Variants in LRRC42 observed in about 807,000 individuals in gnomAD.
LRRC42 encodes leucine rich repeat containing 42, also known as leucine-rich repeat-containing protein 42.
Under a neutral mutation model 44.3 loss-of-function variants are expected in LRRC42, and 43 were observed. The ratio of observed to expected loss-of-function variants is 0.97; its 90% confidence interval spans 0.76 to 1.25. LRRC42 has a LOEUF of 1.25. Among genes scored for constraint, LRRC42 ranks in the 50% most tolerant of loss-of-function variants. The pLI, the probability that LRRC42 is intolerant of heterozygous loss-of-function variation, is 0.00. For synonymous variants in LRRC42, 207 were observed against 195.2 expected (o/e 1.06, Z -0.50); for missense variants, 540 against 509.1 (o/e 1.06, Z -0.58).
At chr1:53,955,081 A>C (rs1654792867) in intron 3 of LRRC42, among the ~76,000 whole-genome samples, 1 of 152,206 alleles carries the variant, frequency 6.6e-6, no homozygotes, top group African/African-American at 2.4e-5. Flanking sequence ...AACTATTAAG[A>C]TAATATTTTA....
At position 53,958,276 on chromosome 1, in the gene LRRC42, T is replaced by TCTAG; in HGVS notation, c.602_605dup (p.Val203Ter). The TCTAG allele has an allele frequency of 6.2e-7, 1 of 1,613,580 alleles. No individual in the cohort carries two copies. Among genetic ancestry groups the TCTAG allele is most frequent in the Non-Finnish European group, 8.5e-7 (1 of 1,179,594 alleles). ...AGAACATCTCACCAATGAAGCCCTG[T>TCTAG]CTAGGTACTGACCTGTCACCACTTG... On this transcript the variant is annotated frameshift_variant, in exon 4 of 9. Transcript: ENST00000371370. LOFTEE classifies it high-confidence loss of function.
At position 53,952,238 on chromosome 1, in the gene LRRC42, G is replaced by A; in HGVS notation, c.239G>A (p.Gly80Glu). The change falls in exon 3 of 9, where the codon GGG (glycine) becomes GAG (glutamate). Residue 80 changes from glycine (G) to glutamate (E), a missense_variant. Physicochemically the swap from Gly to Glu is moderately conservative, Grantham distance 98. Coordinates refer to ENST00000371370, the MANE Select transcript of LRRC42 (RefSeq NM_001256409.2). ...DHFIFTYTRE[G>E]NLRYSAKSLF... ...TTCATCTTCACATACACCCGAGAGG[G>A]GAATCTTCGGTACTCCGCCAAATCC... 2 of 1,614,188 alleles carry A rather than the reference G, an allele frequency of 1.2e-6. No individual in the cohort carries two copies. The highest frequency in any genetic ancestry group is 1.1e-5 in the South Asian group (1 of 91,084).
intron 7 of LRRC42, among the ~76,000 whole-genome samples, chr1:53,962,656 G>T (rs76380355): frequency 2.4e-3 from 361 of 152,294 alleles, no homozygotes; most frequent in Non-Finnish European, 4.3e-3. Flanking sequence ...AGGAGAAAAT[G>T]TCATCTTACA....
rs555397303 is a variant in LRRC42 at position 53,965,761 on chromosome 1, C to T, written c.928-535C>T. ...AAATGCTGGGATTATAGGCGTGAGC[C>T]ACCGCGCCCGGCCACATATTTCTAA... On this transcript the variant is annotated intron_variant, in intron 7 of 8. Transcript: ENST00000371370. Among the ~76,000 whole-genome samples, 4 of 152,268 alleles carry T rather than the reference C, an allele frequency of 2.6e-5. No individual in the cohort carries two copies. In the South Asian group the frequency reaches 8.3e-4, roughly 32 times the overall value.
chr1:53,966,341 C>A lies in LRRC42; in HGVS notation c.973C>A (p.Arg325=). 4.3e-6 allele frequency: 7 copies of A among 1,613,948 alleles called. No homozygotes were observed. The highest frequency in any genetic ancestry group is 2.7e-5 in the African/African-American group (2 of 75,054). The change falls in exon 8 of 9, where the codon CGG becomes AGG. Residue 325 remains arginine (R), a synonymous_variant. Coordinates refer to ENST00000371370, the MANE Select transcript of LRRC42 (RefSeq NM_001256409.2). ...TGTGACTGCGGAAGCTGTGAAGCCA[C>A]GGGAGACCTCGGAGCCTAGAGCAGC... is the stretch of plus-strand genomic sequence containing the variant. ...ERVTAEAVKP[R]ETSEPRAAAQ...
At chr1:53,963,059 G>C (rs1331402132) in intron 7 of LRRC42, among the ~76,000 whole-genome samples, 4 of 151,994 alleles carry the variant, frequency 2.6e-5, no homozygotes, top group African/African-American at 9.7e-5. Flanking sequence ...CTGTGGCTGG[G>C]GCCTTTCTCC....
At chr1:53,964,834 C>A (rs1008021033) in intron 7 of LRRC42, among the ~76,000 whole-genome samples, 6 of 151,900 alleles carry the variant, frequency 3.9e-5, no homozygotes, top group African/African-American at 1.5e-4. Context: ...GTGGTGGAGC[C>A]AACTCTGGAA....
At chr1:53,947,142 A>G (rs1569814513) in intron 1 of LRRC42, among the ~76,000 whole-genome samples, 1 of 151,270 alleles carries the variant, frequency 6.6e-6, no homozygotes, top group Non-Finnish European at 1.5e-5. Context: ...AAGGGGAGGC[A>G]GGTGAAGGTT....
intron 3 of LRRC42, among the ~76,000 whole-genome samples, chr1:53,954,429 C>T (rs1033191736): frequency 3.9e-5 from 6 of 152,074 alleles, no homozygotes; most frequent in African/African-American, 7.2e-5. Flanking sequence ...TACGTTTTAC[C>T]CTTCATTTTT....
At chr1:53,947,092 G>T (rs1654509634) in intron 1 of LRRC42, among the ~76,000 whole-genome samples, 1 of 150,776 alleles carries the variant, frequency 6.6e-6, no homozygotes, top group Admixed American at 6.6e-5. Context: ...AGAATAGATG[G>T]TGAAGGAGAG....
chr1:53,958,024 T>G (rs1654885815), intron 3 of LRRC42, 125 bp from the exon 4 acceptor site: 13 of 1,146,558 alleles, frequency 1.1e-5, no homozygotes, highest in Non-Finnish European at 1.5e-5. Context: ...ATTAGTGAAG[T>G]CTGCTTATTC....
chr1:53,955,663 C>G (rs960187688), intron 3 of LRRC42, among the ~76,000 whole-genome samples: 10 of 146,590 alleles, frequency 6.8e-5, no homozygotes, highest in African/African-American at 2.3e-4. Flanking sequence ...GAGTCTCGCT[C>G]TGTCACCCAG....
rs80155654 is a variant in LRRC42, at chr1:53,959,457, C to T, written c.606-899C>T. Among the ~76,000 whole-genome samples, 827 of 152,288 alleles carry T rather than the reference C, an allele frequency of 5.4e-3. 4 individuals are homozygous for T. The highest frequency in any genetic ancestry group is 0.02 in the Middle Eastern group (6 of 294). On this transcript the variant is annotated intron_variant, in intron 4 of 8. Transcript: ENST00000371370. ...TACAAACCTAGGTCTAACCTACTAC[C>T]TGAGGCCTGCTTCTGACAGTGACAC...
At position 53,952,029 on chromosome 1, in the gene LRRC42, C is replaced by T; in HGVS notation, c.30C>T (p.His10=). MSYYLSSEN[H]LDPGPIYMRE... ...CTTACTACCTCAGCTCAGAAAACCA[C>T]CTGGACCCAGGGCCCATCTACATGC... is the stretch of plus-strand genomic sequence containing the variant. Residue 10 remains histidine, a synonymous_variant, in exon 3 of 9, where the codon CAC becomes CAT. Transcript: ENST00000371370. The T allele has an allele frequency of 1.2e-6, 2 of 1,614,090 alleles. No individual in the cohort carries two copies. Among genetic ancestry groups the T allele is most frequent in the Non-Finnish European group, 1.7e-6 (2 of 1,180,032 alleles).
At chr1:53,955,940 T>C (rs776218568) in intron 3 of LRRC42, among the ~76,000 whole-genome samples, 1 of 152,238 alleles carries the variant, frequency 6.6e-6, no homozygotes, top group Admixed American at 6.5e-5. Context: ...CATAATCTTT[T>C]AGCCCATATT....
At chr1:53,950,365 T>C (rs1012250177) in intron 2 of LRRC42, among the ~76,000 whole-genome samples, 2 of 152,228 alleles carry the variant, frequency 1.3e-5, no homozygotes, top group African/African-American at 2.4e-5. Flanking sequence ...GGTGAGGCTC[T>C]AGGGCTAGGC....
In LRRC42 at chr1:53,958,258, C is replaced by G; in HGVS notation, c.583C>G (p.Leu195Val). Residue 195 changes from leucine to valine, a missense_variant, in exon 4 of 9, where the codon CTC becomes GTC. By Grantham distance (32) the Leu-to-Val change is conservative. Transcript: ENST00000371370. ...LGDEHELLEHLTNEALSSVTQ... is the reference protein window; with the variant it reads ...LGDEHELLEHVTNEALSSVTQ... ...AGATGAGCATGAACTTCTAGAACAT[C>G]TCACCAATGAAGCCCTGTCTAGGTA... The G allele has an allele frequency of 6.2e-7, 1 of 1,613,706 alleles. No individual in the cohort carries two copies. The highest frequency in any genetic ancestry group is 1.1e-5 in the South Asian group (1 of 91,044).
At chr1:53,955,457 C>T (rs928653825) in intron 3 of LRRC42, among the ~76,000 whole-genome samples, 1 of 151,670 alleles carries the variant, frequency 6.6e-6, no homozygotes, top group African/African-American at 2.4e-5. Flanking sequence ...CCACCGTGCC[C>T]AGCTAATTTT....
intron 7 of LRRC42, among the ~76,000 whole-genome samples, chr1:53,964,260 A>G (rs533505921): frequency 2.1e-4 from 32 of 151,816 alleles, no homozygotes; most frequent in Middle Eastern, 3.4e-3. Flanking sequence ...CTCTCCCCCA[A>G]CTTTCTCACT....
Sources: allele counts gnomAD v4.1 joint callset (sites outside exome capture counted in the v4.1 genomes callset), GRCh38; gene constraint gnomAD v4.1.1; transcripts MANE v1.5; gene names NCBI Gene and HGNC (gene_info 2026-07-23, HGNC 2026-07-21).